GRAMD1B: variants seen among roughly 807,000 people sequenced by gnomAD.
GRAMD1B encodes protein Aster-B.
In GRAMD1B, 37 loss-of-function variants were observed where a neutral mutation model predicts 99.7. The observed-to-expected ratio is 0.37, with a 90% CI of 0.29 to 0.49. The LOEUF is 0.49. Ranked by LOEUF, GRAMD1B falls within the 20% of genes least tolerant of loss-of-function variation. GRAMD1B has a pLI of 0.98. For synonymous variants in GRAMD1B, 427 were observed against 387.6 expected (o/e 1.10, Z -1.19); for missense variants, 888 against 1,009.2 (o/e 0.88, Z 1.63).
chr11:123,417,496 GA>G (rs1270589900), intron 1 of GRAMD1B, among the ~76,000 whole-genome samples: 2 of 152,208 alleles, frequency 1.3e-5, no homozygotes, highest in African/African-American at 4.8e-5. Context: ...ATGTTGACAT[GA>G]AAGTCTGAAA....
At chr11:123,538,549 T>C (rs893975257) in intron 2 of GRAMD1B, among the ~76,000 whole-genome samples, 2 of 152,150 alleles carry the variant, frequency 1.3e-5, no homozygotes, top group African/African-American at 4.8e-5. Flanking sequence ...TTACTCACCC[T>C]CACCCCTCGG....
intron 1 of GRAMD1B, among the ~76,000 whole-genome samples, chr11:123,382,803 G>A (rs1946925774): frequency 6.6e-6 from 1 of 152,138 alleles, no homozygotes; most frequent in South Asian, 2.1e-4. Context: ...GGATAAATGA[G>A]GCAAGAGAGG....
At chr11:123,361,742 A>T (rs1946152915) in intron 1 of GRAMD1B, among the ~76,000 whole-genome samples, 1 of 152,178 alleles carries the variant, frequency 6.6e-6, no homozygotes, top group South Asian at 2.1e-4. Context: ...TCTGACTTCC[A>T]AGGTGTACTC....
intron 12 of GRAMD1B, 26 bp downstream of exon 12, chr11:123,608,828 C>T (rs912198495): frequency 4.3e-6 from 6 of 1,385,058 alleles, no homozygotes; most frequent in South Asian, 3.9e-5. Flanking sequence ...ACTGTACCCC[C>T]CATTCCTCCC....
At chr11:123,508,170 C>T (rs1029218593) in intron 2 of GRAMD1B, among the ~76,000 whole-genome samples, 5 of 152,136 alleles carry the variant, frequency 3.3e-5, no homozygotes, top group African/African-American at 1.2e-4. Flanking sequence ...TTATTTAGCT[C>T]ATGGTTTTGG....
At chr11:123,552,899 G>A (rs2135887907) in intron 2 of GRAMD1B, among the ~76,000 whole-genome samples, 1 of 152,254 alleles carries the variant, frequency 6.6e-6, no homozygotes, top group Non-Finnish European at 1.5e-5. Context: ...TAAACAAGAG[G>A]AAGGATATCT....
At position 123,610,182 on chromosome 11, in the gene GRAMD1B, T is replaced by C; in HGVS notation, c.1777-14T>C. ...CCTCTTCAGTTTTGTCCAATGGACC[T>C]TTCCTGCCCGCAGACCATGTACAAG... On this transcript the variant is annotated splice_polypyrimidine_tract_variant and intron_variant, in intron 13 of 19. Transcript: ENST00000635736. The surrounding 1 kb of genome is among the most constrained non-coding windows in gnomAD (Gnocchi z 4.1). The C allele has an allele frequency of 3.7e-6, 6 of 1,613,752 alleles. No homozygotes were observed. The highest frequency in any genetic ancestry group is 1.3e-5 in the African/African-American group (1 of 75,020).
chr11:123,369,445 G>A (rs1267079196), intron 1 of GRAMD1B, among the ~76,000 whole-genome samples: 1 of 152,108 alleles, frequency 6.6e-6, no homozygotes, highest in African/African-American at 2.4e-5. Flanking sequence ...CAAAAAATAA[G>A]AACAAATAAA....
chr11:123,479,819 G>C (rs188146429), intron 1 of GRAMD1B, among the ~76,000 whole-genome samples: 1 of 152,156 alleles, frequency 6.6e-6, no homozygotes, highest in African/African-American at 2.4e-5. Flanking sequence ...AACTTCATTT[G>C]TGGACACTAA....
chr11:123,411,404 T>G (rs2135970678), intron 1 of GRAMD1B, among the ~76,000 whole-genome samples: 2 of 152,284 alleles, frequency 1.3e-5, no homozygotes, highest in South Asian at 4.1e-4. Context: ...AATAAATATC[T>G]GCAACAGATA....
chr11:123,360,191 T>C (rs1361825438), intron 1 of GRAMD1B, among the ~76,000 whole-genome samples: 2 of 152,228 alleles, frequency 1.3e-5, no homozygotes, highest in Admixed American at 6.5e-5. Flanking sequence ...TTTAATAATA[T>C]TTAGGAGGTT....
intron 1 of GRAMD1B, among the ~76,000 whole-genome samples, chr11:123,443,226 A>G (rs925216875): frequency 6.6e-6 from 1 of 152,238 alleles, no homozygotes; most frequent in African/African-American, 2.4e-5. Context: ...ACTTATGTTT[A>G]TAGGCTAATA....
At chr11:123,577,299 C>T in intron 2 of GRAMD1B, 68 bp from the exon 3 acceptor site, 2 of 1,341,176 alleles carry the variant, frequency 1.5e-6, no homozygotes, top group Non-Finnish European at 2.1e-6. Context: ...TGGCCTCGAT[C>T]ACTGACTGCC....
chr11:123,502,061 C>T (rs1000859096), intron 2 of GRAMD1B, among the ~76,000 whole-genome samples: 1 of 152,154 alleles, frequency 6.6e-6, no homozygotes, highest in African/African-American at 2.4e-5. Flanking sequence ...CCCAGTAAAC[C>T]ATTCTCCTTC....
intron 1 of GRAMD1B, among the ~76,000 whole-genome samples, chr11:123,449,026 C>CT (rs2134343256): frequency 6.6e-6 from 1 of 152,362 alleles, no homozygotes; most frequent in African/African-American, 2.4e-5. Flanking sequence ...GGGATGCTCT[C>CT]TTATTTCCAG....
chr11:123,519,450 G>A (rs1941982791), intron 2 of GRAMD1B, among the ~76,000 whole-genome samples: 1 of 152,210 alleles, frequency 6.6e-6, no homozygotes, highest in Non-Finnish European at 1.5e-5. Context: ...TGTGGAAATG[G>A]AGTGTTTAGG....
At chr11:123,455,755 T>C (rs765633348) in intron 1 of GRAMD1B, among the ~76,000 whole-genome samples, 7 of 152,206 alleles carry the variant, frequency 4.6e-5, no homozygotes, top group Non-Finnish European at 1.0e-4. Context: ...ATGATCTGTC[T>C]CTCATTTCTG....
At chr11:123,433,951 C>T (rs919140548) in intron 1 of GRAMD1B, among the ~76,000 whole-genome samples, 6 of 151,954 alleles carry the variant, frequency 3.9e-5, no homozygotes, top group Non-Finnish European at 8.8e-5. Context: ...ATGTATCAGC[C>T]GGGCGCAGTG....
At chr11:123,615,456 GC>G (rs1403245928) in intron 17 of GRAMD1B, among the ~76,000 whole-genome samples, 5 of 152,266 alleles carry the variant, frequency 3.3e-5, no homozygotes, top group Non-Finnish European at 7.3e-5. Flanking sequence ...GGAGGCCGAG[GC>G]AGGCGGATCA....
Sources: gnomAD v4.1 joint callset for allele counts (sites outside exome capture counted in the v4.1 genomes callset) on GRCh38, gnomAD v4.1.1 for gene constraint, Gnocchi (gnomAD v3.1) non-coding constraint, MANE v1.5 for transcripts, NCBI Gene and HGNC (gene_info 2026-07-23, HGNC 2026-07-21) for gene names.